RAP1GDS1: variants seen among roughly 807,000 people sequenced by gnomAD.
RAP1GDS1 encodes RAP1, GTP-GDP dissociation stimulator 1.
Under a neutral mutation model 71.1 loss-of-function variants are expected in RAP1GDS1, and 35 were observed. The observed-to-expected ratio is 0.49, with a 90% confidence interval of 0.38 to 0.65. The LOEUF (loss-of-function observed/expected upper bound fraction) is 0.65. RAP1GDS1 is among the 30% of genes least tolerant of loss of function. The probability of loss-of-function intolerance (pLI) is 0.00; values close to 1 mark genes in which losing one functional copy is unlikely to be tolerated. For missense variants in RAP1GDS1, 663 were observed against 706.1 expected, an observed-to-expected ratio of 0.94 and a Z score of 0.69; for synonymous variants, 229 against 243.1, an observed-to-expected ratio of 0.94 and a Z score of 0.54.
Position 98,387,143 on chromosome 4 carries a change from A to G in RAP1GDS1, c.509-4809A>G, listed in dbSNP as rs140395975. ...TCATTATACTGTGAATAATATATCT[A>G]CGTACTAATGTACAGACTGTATTTT... On this transcript the variant is annotated intron_variant, in intron 5 of 14. Transcript: ENST00000408927. Among the ~76,000 whole-genome samples the G allele has an allele frequency of 3.5e-3, 540 of 152,328 alleles. 3 individuals are homozygous for G. Among genetic ancestry groups the G allele is most frequent in the African/African-American group, 0.012 (507 of 41,586 alleles).
chr4:98,310,309 C>G (rs1359067888), intron 2 of RAP1GDS1, among the ~76,000 whole-genome samples: 1 of 151,934 alleles, frequency 6.6e-6, no homozygotes, highest in Non-Finnish European at 1.5e-5. Context: ...TATAATTTAT[C>G]ATAATAAGTG....
intron 7 of RAP1GDS1, 22 bp from the exon 8 acceptor site, chr4:98,416,723 T>C: frequency 6.4e-7 from 1 of 1,570,286 alleles, no homozygotes; most frequent in Non-Finnish European, 8.7e-7. Context: ...AGTTTGATTA[T>C]TTTGTTCACG....
At chr4:98,286,060 A>G (rs948385691) in intron 1 of RAP1GDS1, among the ~76,000 whole-genome samples, 1 of 151,564 alleles carries the variant, frequency 6.6e-6, no homozygotes, top group African/African-American at 2.4e-5. Context: ...TGAGCTCAGG[A>G]GGTCGAGACC....
intron 1 of RAP1GDS1, among the ~76,000 whole-genome samples, chr4:98,277,256 T>C (rs1304315309): frequency 1.3e-5 from 2 of 152,238 alleles, no homozygotes; most frequent in Admixed American, 6.5e-5. Flanking sequence ...ATTCCTGTAG[T>C]ACTGAGATAC....
At chr4:98,314,006 G>C (rs1195517707) in intron 2 of RAP1GDS1, among the ~76,000 whole-genome samples, 1 of 152,118 alleles carries the variant, frequency 6.6e-6, no homozygotes, top group Non-Finnish European at 1.5e-5. Flanking sequence ...TGTTCTGTGA[G>C]GTGAGTCCAT....
intron 4 of RAP1GDS1, among the ~76,000 whole-genome samples, chr4:98,358,993 G>A (rs1738341137): frequency 1.3e-5 from 2 of 151,922 alleles, no homozygotes; most frequent in Admixed American, 6.6e-5. Context: ...TTCCCTATGG[G>A]AAATGACCTT....
intron 2 of RAP1GDS1, 130 bp from the exon 3 acceptor site, chr4:98,343,009 A>G (rs1317534225): frequency 4.3e-6 from 4 of 939,906 alleles, no homozygotes; most frequent in African/African-American, 1.7e-5. Context: ...AAAGACATAT[A>G]TTTGAATGTA....
chr4:98,272,474 A>G (rs1225568822), intron 1 of RAP1GDS1, among the ~76,000 whole-genome samples: 5 of 152,156 alleles, frequency 3.3e-5, no homozygotes, highest in Non-Finnish European at 7.4e-5. Context: ...GCAAAACTTC[A>G]TAGCTCGGTT....
chr4:98,386,262 CATT>C (rs1026238902), intron 5 of RAP1GDS1, among the ~76,000 whole-genome samples: 1 of 151,602 alleles, frequency 6.6e-6, no homozygotes, highest in South Asian at 2.1e-4. Context: ...CTCTAGTTGT[CATT>C]ATATTGAGAA....
chr4:98,364,112 G>T (rs902501410), intron 4 of RAP1GDS1, among the ~76,000 whole-genome samples: 4 of 152,062 alleles, frequency 2.6e-5, no homozygotes, highest in Non-Finnish European at 5.9e-5. Context: ...AGAAGAAATG[G>T]CACATAGGCG....
At chr4:98,320,284 T>C (rs187600125) in intron 2 of RAP1GDS1, among the ~76,000 whole-genome samples, 9 of 152,328 alleles carry the variant, frequency 5.9e-5, no homozygotes, top group African/African-American at 2.2e-4. Flanking sequence ...TACTCATTTT[T>C]ATTGGTTGAT....
chr4:98,398,223 A>T (rs1363424079), intron 6 of RAP1GDS1, among the ~76,000 whole-genome samples: 1 of 145,558 alleles, frequency 6.9e-6, no homozygotes, highest in Non-Finnish European at 1.5e-5. Flanking sequence ...TTGTACGAGT[A>T]AAGGAAAAAA....
chr4:98,426,497 A>G lies in RAP1GDS1; in HGVS notation c.1440+5103A>G, dbSNP rs1347695481. Among the ~76,000 whole-genome samples the G allele has an allele frequency of 2.0e-5, 3 of 152,276 alleles. No homozygotes were observed. The East Asian group carries it at 5.8e-4, about 29-fold the overall frequency. Reference sequence around the variant, plus strand: ...CATAACCAAGAAAAGAAGAGAGAAAATTCAAATAAGCTCACTTAGAAAAGA... The same window carrying G: ...CATAACCAAGAAAAGAAGAGAGAAAGTTCAAATAAGCTCACTTAGAAAAGA... On this transcript the variant is annotated intron_variant, in intron 12 of 14. Transcript: ENST00000408927.
rs55942043 is a variant in RAP1GDS1 at position 98,267,589 on chromosome 4, A to G, written c.4+6020A>G. On this transcript the variant is annotated intron_variant, in intron 1 of 14. Transcript: ENST00000408927. ...TTAGCTTCCGCTTATAAATGAGAAC[A>G]TGTGGTATTTGGATTTCTTGTTTCT... Among the ~76,000 whole-genome samples the G allele has an allele frequency of 4.9e-3, 752 of 152,284 alleles. 7 individuals are homozygous for G. The highest frequency in any genetic ancestry group is 0.018 in the South Asian group (85 of 4,824).
chr4:98,313,556 C>T (rs1391619291), intron 2 of RAP1GDS1, among the ~76,000 whole-genome samples: 2 of 152,076 alleles, frequency 1.3e-5, no homozygotes, highest in Non-Finnish European at 1.5e-5. Context: ...CAAGAAGCTA[C>T]AGTTGGGCCT....
chr4:98,309,332 T>C (rs2110315635), intron 2 of RAP1GDS1, among the ~76,000 whole-genome samples: 1 of 152,168 alleles, frequency 6.6e-6, no homozygotes, highest in African/African-American at 2.4e-5. Flanking sequence ...CTGTAATTTA[T>C]CCATTATGTT....
At chr4:98,417,328 T>G (rs777178104) in intron 8 of RAP1GDS1, 39 bp from the exon 9 acceptor site, 1 of 1,581,274 alleles carries the variant, frequency 6.3e-7, no homozygotes, top group African/African-American at 1.4e-5. Flanking sequence ...CTCCTAGTTA[T>G]TTTTCTCTTG....
chr4:98,421,177 C>A, intron 11 of RAP1GDS1, 78 bp from the exon 12 acceptor site: 1 of 1,367,048 alleles, frequency 7.3e-7, no homozygotes, highest in South Asian at 1.9e-5. Context: ...ACGTCCTTCA[C>A]ACTCTCAAAT....
intron 13 of RAP1GDS1, among the ~76,000 whole-genome samples, chr4:98,436,098 A>G (rs1381647011): frequency 6.7e-6 from 1 of 150,300 alleles, no homozygotes; most frequent in Non-Finnish European, 1.5e-5. Context: ...ATATATATAT[A>G]TCGGTATAAG....
Sources: gnomAD v4.1 joint callset for allele counts (sites outside exome capture counted in the v4.1 genomes callset) on GRCh38, gnomAD v4.1.1 for gene constraint, MANE v1.5 for transcripts, NCBI Gene and HGNC (gene_info 2026-07-23, HGNC 2026-07-21) for gene names.